The following TRPC4 variants were observed in gnomAD, a reference collection of about 807,000 sequenced individuals.
TRPC4 encodes the protein short transient receptor potential channel 4.
Under a neutral mutation model 99.4 loss-of-function variants are expected in TRPC4, and 49 were observed. The ratio of observed to expected loss-of-function variants is 0.49; its 90% confidence interval spans 0.39 to 0.63. TRPC4 has a LOEUF of 0.63. Among genes scored for constraint, TRPC4 ranks in the 20% least tolerant of loss-of-function variants. The pLI, the probability that TRPC4 is intolerant of heterozygous loss-of-function variation, is 0.00. For synonymous variants in TRPC4, 454 were observed against 425.9 expected (o/e 1.07, Z -0.81); for missense variants, 898 against 1,152.9 (o/e 0.78, Z 3.20).
chr13:37,701,761 G>A lies in TRPC4; in HGVS notation c.898-9426C>T, dbSNP rs117479726. Among the ~76,000 whole-genome samples the A allele has an allele frequency of 4.5e-3, 686 of 152,200 alleles. 3 individuals carry two copies. The highest frequency in any genetic ancestry group is 6.8e-3 in the Middle Eastern group (2 of 294). ...TCAAACTGCAACCCAAAGAATCTGC[G>A]TATGAATAAGGACTTCACTGATTAT... On this transcript the variant is annotated intron_variant, in intron 3 of 10. Coordinates refer to ENST00000379705, the MANE Select transcript of TRPC4 (RefSeq NM_016179.4).
chr13:37,820,128 A>G (rs896447107), intron 1 of TRPC4, among the ~76,000 whole-genome samples: 17 of 152,078 alleles, frequency 1.1e-4, no homozygotes, highest in Admixed American at 4.6e-4. Context: ...CCAACCTCAC[A>G]GAAATACAAA....
Position 37,778,080 on chromosome 13 carries a change from G to A in TRPC4, c.378+4876C>T, listed in dbSNP as rs189867237. On this transcript the variant is annotated intron_variant, in intron 2 of 10. Coordinates refer to ENST00000379705, the MANE Select transcript of TRPC4 (RefSeq NM_016179.4). ...TTCATGATAGAGACAGTCTGAATGT[G>A]TACATCCAGAGACTTCTTAAAATTT... is the stretch of plus-strand genomic sequence containing the variant. 1.4e-3 allele frequency among the ~76,000 whole-genome samples: 220 copies of A among 152,156 alleles called. 1 individual carries two copies. The highest frequency in any genetic ancestry group is 6.8e-3 in the Middle Eastern group (2 of 294).
At chr13:37,782,925 A>G in intron 2 of TRPC4, 31 bp downstream of exon 2, 2 of 1,433,876 alleles carry the variant, frequency 1.4e-6, no homozygotes, top group Non-Finnish European at 1.8e-6. Context: ...CTGCAGGTAA[A>G]ATAAATTAAA....
intron 8 of TRPC4, among the ~76,000 whole-genome samples, chr13:37,650,333 A>G (rs1345768763): frequency 6.6e-6 from 1 of 152,240 alleles, no homozygotes; most frequent in Admixed American, 6.5e-5. Context: ...AATGAATATG[A>G]GTGTTAATTT....
intron 2 of TRPC4, among the ~76,000 whole-genome samples, chr13:37,769,860 A>G (rs1232676328): frequency 6.6e-6 from 1 of 151,590 alleles, no homozygotes; most frequent in Non-Finnish European, 1.5e-5. Flanking sequence ...ATTAATAATC[A>G]TGACGATAAT....
At chr13:37,769,070 T>C (rs959600905) in intron 2 of TRPC4, among the ~76,000 whole-genome samples, 1 of 151,480 alleles carries the variant, frequency 6.6e-6, no homozygotes, top group Non-Finnish European at 1.5e-5. Context: ...GGTGCAAAAA[T>C]TCATGGAAAC....
chr13:37,667,425 G>C (rs1566081631), intron 5 of TRPC4, among the ~76,000 whole-genome samples: 2 of 152,142 alleles, frequency 1.3e-5, no homozygotes, highest in Non-Finnish European at 2.9e-5. Flanking sequence ...TCCTACCTCA[G>C]CCTCCTGAGT....
At chr13:37,821,012 T>C (rs551803916) in intron 1 of TRPC4, among the ~76,000 whole-genome samples, 6 of 152,128 alleles carry the variant, frequency 3.9e-5, no homozygotes, top group African/African-American at 1.2e-4. Flanking sequence ...GTTTGCAGAT[T>C]ACATGATTCT....
At position 37,663,029 on chromosome 13, in the gene TRPC4, G is replaced by A. The variant is rs58326541; in HGVS notation, c.1688+387C>T. Among the ~76,000 whole-genome samples the A allele has an allele frequency of 6.6e-5, 10 of 152,208 alleles. No homozygotes were observed. The East Asian group carries it at 1.9e-3, about 29-fold the overall frequency. ...ACTTTAGTACCTGGAAAACACATGAGGAAATATTGAAATCTACTTGAATTT... is the reference window on the plus strand; with the variant it reads ...ACTTTAGTACCTGGAAAACACATGAAGAAATATTGAAATCTACTTGAATTT... On this transcript the variant is annotated intron_variant, in intron 6 of 10. Transcript: ENST00000379705.
intron 2 of TRPC4, among the ~76,000 whole-genome samples, chr13:37,747,938 G>A (rs77021162): frequency 0.028 from 4,276 of 152,204 alleles, 189 homozygotes; most frequent in African/African-American, 0.097. Context: ...CACAAGTACT[G>A]CAATCTCGTG....
At chr13:37,710,329 A>C (rs1954438636) in intron 3 of TRPC4, among the ~76,000 whole-genome samples, 1 of 151,924 alleles carries the variant, frequency 6.6e-6, no homozygotes, top group South Asian at 2.1e-4. Flanking sequence ...GCTCTGTTTT[A>C]ATACACAGAG....
intron 4 of TRPC4, among the ~76,000 whole-genome samples, chr13:37,680,648 A>T (rs1251957793): frequency 6.6e-6 from 1 of 152,212 alleles, no homozygotes; most frequent in Non-Finnish European, 1.5e-5. Flanking sequence ...ATCTTTGATA[A>T]GAAAAGCATA....
At chr13:37,666,097 A>G (rs1281758202) in intron 5 of TRPC4, among the ~76,000 whole-genome samples, 1 of 152,178 alleles carries the variant, frequency 6.6e-6, no homozygotes, top group Non-Finnish European at 1.5e-5. Flanking sequence ...GAAACTTAGG[A>G]TCTTCTTCCC....
chr13:37,633,290 G>A lies in TRPC4; in HGVS notation c.*3613C>T, dbSNP rs980574403. Among the ~76,000 whole-genome samples, 1 of 152,040 alleles carries A rather than the reference G, an allele frequency of 6.6e-6. No homozygotes were observed. The highest frequency in any genetic ancestry group is 1.5e-5 in the Non-Finnish European group (1 of 67,998). The stretch of plus-strand genomic sequence containing the variant: ...ACAGAGAAAGAAAAATATATTGTAA[G>A]CATATTTACAGGGCCACAATGGATG... On this transcript the variant is annotated 3_prime_UTR_variant, in exon 11 of 11. Transcript: ENST00000379705.
intron 2 of TRPC4, among the ~76,000 whole-genome samples, chr13:37,760,357 C>G (rs1426098744): frequency 6.6e-6 from 1 of 151,888 alleles, no homozygotes. Flanking sequence ...CCACTCAGAA[C>G]CCATCTTAAG....
chr13:37,787,482 T>C (rs950487296), intron 1 of TRPC4, among the ~76,000 whole-genome samples: 1 of 152,074 alleles, frequency 6.6e-6, no homozygotes, highest in Non-Finnish European at 1.5e-5. Flanking sequence ...AAAAGCATAA[T>C]GGTCTGATTT....
intron 1 of TRPC4, among the ~76,000 whole-genome samples, chr13:37,864,085 A>C (rs1959576004): frequency 6.6e-6 from 1 of 151,710 alleles, no homozygotes; most frequent in Admixed American, 6.6e-5. Context: ...GTAGAATGAA[A>C]ATAATTTAAA....
intron 2 of TRPC4, among the ~76,000 whole-genome samples, chr13:37,774,273 C>T (rs1367228621): frequency 6.6e-6 from 1 of 151,670 alleles, no homozygotes; most frequent in African/African-American, 2.4e-5. Context: ...TTTAGCATTC[C>T]TTCAGAAAGC....
chr13:37,756,387 T>C (rs1171351170), intron 2 of TRPC4, among the ~76,000 whole-genome samples: 2 of 152,138 alleles, frequency 1.3e-5, no homozygotes, highest in African/African-American at 2.4e-5. Context: ...TTTGCACTTA[T>C]ACAGACAAAA....
Sources: allele counts gnomAD v4.1 joint callset (sites outside exome capture counted in the v4.1 genomes callset), GRCh38; gene constraint gnomAD v4.1.1; transcripts MANE v1.5; gene names NCBI Gene and HGNC (gene_info 2026-07-23, HGNC 2026-07-21).